The following GXYLT2 variants were observed in gnomAD, a reference collection of about 807,000 sequenced individuals.
The protein encoded by GXYLT2 is glycosyltransferase 8 domain containing 4.
In GXYLT2, 53 loss-of-function variants were observed where a neutral mutation model predicts 45.8. That is an observed-to-expected ratio of 1.16 (90% CI 0.93 to 1.46). The LOEUF is 1.46. Ranked by LOEUF, GXYLT2 falls within the 40% of genes most tolerant of loss-of-function variation. GXYLT2 has a pLI of 0.00. For missense variants in GXYLT2, 551 were observed against 544.4 expected (o/e 1.01, Z -0.12); for synonymous variants, 219 against 214.2 (o/e 1.02, Z -0.19).
chr3:72,965,916 CT>C (rs1710857456), intron 5 of GXYLT2, among the ~76,000 whole-genome samples: 1 of 151,898 alleles, frequency 6.6e-6, no homozygotes, highest in South Asian at 2.1e-4. Flanking sequence ...TGGCACAGGG[CT>C]TTTTTTTCTT....
At chr3:72,889,556 A>G (rs1040917854) in intron 1 of GXYLT2, among the ~76,000 whole-genome samples, 3 of 152,202 alleles carry the variant, frequency 2.0e-5, no homozygotes, top group African/African-American at 7.2e-5. Flanking sequence ...AAAAAACCCC[A>G]ACAATCTGTC....
intron 1 of GXYLT2, among the ~76,000 whole-genome samples, chr3:72,904,707 G>T (rs562055806): frequency 4.7e-4 from 71 of 151,080 alleles, no homozygotes; most frequent in African/African-American, 1.7e-3. Context: ...AAAATGAAGT[G>T]CCCACCACTT....
chr3:72,974,671 C>T (rs1289791825), intron 6 of GXYLT2, among the ~76,000 whole-genome samples: 3 of 152,100 alleles, frequency 2.0e-5, no homozygotes, highest in Non-Finnish European at 4.4e-5. Context: ...TGGTCTCAAA[C>T]TCCTGGGCTC....
In GXYLT2 at chr3:72,895,291, CTG is replaced by C. The variant is rs574192574; in HGVS notation, c.275+6785_275+6786del. Among the ~76,000 whole-genome samples, 10 of 152,276 alleles carry C rather than the reference CTG, an allele frequency of 6.6e-5. No individual in the cohort carries two copies. In the South Asian group the frequency reaches 1.7e-3, roughly 25 times the overall value. On this transcript the variant is annotated intron_variant, in intron 1 of 6. Coordinates refer to ENST00000389617, the MANE Select transcript of GXYLT2 (RefSeq NM_001080393.2). The stretch of plus-strand genomic sequence containing the variant: ...CGGGGTTGGGGGGCAGCTCCCAACA[CTG>C]TTCCCAAGGCCAGCTTCTTGCCTTT...
At chr3:72,921,866 T>C (rs1048822022) in intron 2 of GXYLT2, among the ~76,000 whole-genome samples, 2 of 149,958 alleles carry the variant, frequency 1.3e-5, no homozygotes. Context: ...CAAGTCTTGT[T>C]ATTACAAACT....
At chr3:72,967,519 A>T (rs745346476) in intron 5 of GXYLT2, 28 bp from the exon 6 acceptor site, 1 of 1,591,646 alleles carries the variant, frequency 6.3e-7, no homozygotes, top group South Asian at 1.1e-5. Flanking sequence ...AACCGTGGAC[A>T]TATATGTCTT....
At chr3:72,927,406 C>T (rs1186609454) in intron 3 of GXYLT2, among the ~76,000 whole-genome samples, 1 of 152,160 alleles carries the variant, frequency 6.6e-6, no homozygotes, top group Non-Finnish European at 1.5e-5. Flanking sequence ...CTCTTTTCTA[C>T]TTACGGCTTG....
At position 72,888,470 on chromosome 3, in the gene GXYLT2, G is replaced by C. The variant is rs1215271490; in HGVS notation, c.237G>C (p.Ala79=). The C allele has an allele frequency of 2.4e-6, 3 of 1,246,348 alleles. No individual in the cohort carries two copies. Among genetic ancestry groups the C allele is most frequent in the Non-Finnish European group, 3.0e-6 (3 of 990,944 alleles). The allele number at this position is 1,246,348 out of a possible 1,614,324, so 77.2% of individuals were successfully genotyped here. The change falls in exon 1 of 7, where the codon GCG becomes GCC. Residue 79 remains alanine, a synonymous_variant. Coordinates refer to ENST00000389617, the MANE Select transcript of GXYLT2 (RefSeq NM_001080393.2). Reference sequence around the variant, plus strand: ...GGCCCCCGCGTCCGCGCCCCCGAGCGGGCCGCCGGGGCGCTGCGAGACTGG... The same window carrying C: ...GGCCCCCGCGTCCGCGCCCCCGAGCCGGCCGCCGGGGCGCTGCGAGACTGG... ...RRRPPRPRPR[A]GRRGAARLEK...
intron 5 of GXYLT2, among the ~76,000 whole-genome samples, chr3:72,958,974 A>C (rs1710709180): frequency 3.0e-5 from 4 of 132,582 alleles, no homozygotes; most frequent in East Asian, 2.2e-4. Flanking sequence ...ATGAAGTTTC[A>C]CTCTGTCTTG....
At chr3:72,891,800 T>A (rs1208034418) in intron 1 of GXYLT2, among the ~76,000 whole-genome samples, 2 of 152,152 alleles carry the variant, frequency 1.3e-5, no homozygotes, top group Non-Finnish European at 2.9e-5. Flanking sequence ...CCTTTGTTAG[T>A]AGGATTAAGT....
Position 72,948,835 on chromosome 3 carries a change from C to CAAAA in GXYLT2, c.601-6245_601-6242dup, listed in dbSNP as rs1234193329. Among the ~76,000 whole-genome samples, 4 of 74,960 alleles carry CAAAA rather than the reference C, an allele frequency of 5.3e-5. No individual in the cohort carries two copies. In the South Asian group the frequency reaches 1.6e-3, roughly 31 times the overall value. 49.2% of individuals were successfully genotyped at this position (74,960 alleles called of 152,430 possible). On this transcript the variant is annotated intron_variant, in intron 3 of 6. Transcript: ENST00000389617. ...CTGGTGACAGAGCAAGATTCTGTCT[C>CAAAA]AAAAAAAAAAAAAAAAAAAAATCCC...
Position 72,914,503 on chromosome 3 carries a change from T to A in GXYLT2, c.468+5944T>A, listed in dbSNP as rs138290754. Among the ~76,000 whole-genome samples, 264 of 150,626 alleles carry A rather than the reference T, an allele frequency of 1.8e-3. 1 individual carries two copies. Among genetic ancestry groups the A allele is most frequent in the African/African-American group, 5.4e-3 (221 of 40,732 alleles). ...GCGGCCAGTATATATATGTATGTTT[T>A]TATATATATATATTTACATATATAT... On this transcript the variant is annotated intron_variant, in intron 2 of 6. Transcript: ENST00000389617.
At chr3:72,918,571 T>C (rs1017121253) in intron 2 of GXYLT2, among the ~76,000 whole-genome samples, 1 of 152,174 alleles carries the variant, frequency 6.6e-6, no homozygotes, top group Admixed American at 6.6e-5. Flanking sequence ...ATGCGTGTAA[T>C]CCTAGCACTT....
chr3:72,902,037 T>C (rs1313699871), intron 1 of GXYLT2, among the ~76,000 whole-genome samples: 1 of 152,232 alleles, frequency 6.6e-6, no homozygotes, highest in Non-Finnish European at 1.5e-5. Context: ...TATTGCCAAA[T>C]ACTATTCCAT....
chr3:72,906,488 T>A (rs946238893), intron 1 of GXYLT2, among the ~76,000 whole-genome samples: 37 of 152,206 alleles, frequency 2.4e-4, no homozygotes, highest in African/African-American at 8.0e-4. Flanking sequence ...TACTTATTAC[T>A]GTCTAGCTTT....
rs144713763 is a variant in GXYLT2, at chr3:72,897,365, A to G, written c.275+8857A>G. ...CTCAGGTAAATTTTCTCCATGTAAC[A>G]ATTCCCAATAGGTCTGGGTGTGCAA... On this transcript the variant is annotated intron_variant, in intron 1 of 6. Coordinates refer to ENST00000389617, the MANE Select transcript of GXYLT2 (RefSeq NM_001080393.2). Among the ~76,000 whole-genome samples, 991 of 152,284 alleles carry G rather than the reference A, an allele frequency of 6.5e-3. 13 individuals carry two copies. The highest frequency in any genetic ancestry group is 0.023 in the African/African-American group (946 of 41,552).
chr3:72,943,271 A>C (rs1710333131), intron 3 of GXYLT2, among the ~76,000 whole-genome samples: 1 of 152,240 alleles, frequency 6.6e-6, no homozygotes, highest in Non-Finnish European at 1.5e-5. Context: ...TAAGGAAGTG[A>C]AAATTTACAA....
intron 1 of GXYLT2, among the ~76,000 whole-genome samples, chr3:72,900,887 GC>G (rs1040513671): frequency 2.6e-5 from 4 of 152,066 alleles, no homozygotes; most frequent in African/African-American, 9.7e-5. Context: ...AGGTACGGTG[GC>G]TCACGCCTGT....
intron 3 of GXYLT2, among the ~76,000 whole-genome samples, chr3:72,950,468 GA>G (rs1158113158): frequency 2.0e-5 from 3 of 151,650 alleles, no homozygotes; most frequent in Non-Finnish European, 4.4e-5. Context: ...CTCAAAAAAA[GA>G]AAAAAGAAAA....
Sources: gnomAD v4.1 joint callset for allele counts (sites outside exome capture counted in the v4.1 genomes callset) on GRCh38, gnomAD v4.1.1 for gene constraint, MANE v1.5 for transcripts, NCBI Gene and HGNC (gene_info 2026-07-23, HGNC 2026-07-21) for gene names.